Variants in MECOM observed in about 807,000 individuals in gnomAD.
MECOM encodes histone-lysine N-methyltransferase MECOM.
In MECOM, 13 loss-of-function variants were observed where a neutral mutation model predicts 116.3. That is an observed-to-expected ratio of 0.11 (90% CI 0.07 to 0.18). The LOEUF is 0.18. Ranked by LOEUF, MECOM falls within the 10% of genes least tolerant of loss-of-function variation. MECOM has a pLI of 1.00. For synonymous variants in MECOM, 528 were observed against 535.2 expected (o/e 0.99, Z 0.19); for missense variants, 1,299 against 1,509.0 (o/e 0.86, Z 2.31).
At chr3:169,386,914 C>G (rs1487301832) in intron 1 of MECOM, among the ~76,000 whole-genome samples, 5 of 152,120 alleles carry the variant, frequency 3.3e-5, no homozygotes, top group African/African-American at 4.8e-5. Context: ...ATTACAGAAA[C>G]TAAATATTCT....
At chr3:169,654,163 A>C (rs1775248910) in intron 1 of MECOM, among the ~76,000 whole-genome samples, 1 of 152,186 alleles carries the variant, frequency 6.6e-6, no homozygotes, top group African/African-American at 2.4e-5. Context: ...AGATATTATA[A>C]AGTGCTCAGT....
At position 169,165,011 on chromosome 3, in the gene MECOM, A is replaced by G. The variant is rs932875369; in HGVS notation, c.376-21179T>C. Among the ~76,000 whole-genome samples, 7 of 152,308 alleles carry G rather than the reference A, an allele frequency of 4.6e-5. No individual in the cohort carries two copies. The South Asian group carries it at 6.2e-4, about 14-fold the overall frequency. On this transcript the variant is annotated intron_variant, in intron 2 of 16. Transcript: ENST00000651503. ...AAAAGTTTTGTCTACATAGTAGTCA[A>G]CATAGGTTTTCACAGGAAATAAATT...
chr3:169,532,171 A>G (rs1422537121), intron 1 of MECOM, among the ~76,000 whole-genome samples: 1 of 152,198 alleles, frequency 6.6e-6, no homozygotes. Flanking sequence ...GCTCGTTAAA[A>G]CAGTTTGGTG....
At chr3:169,582,884 A>G (rs964770195) in intron 1 of MECOM, among the ~76,000 whole-genome samples, 4 of 152,254 alleles carry the variant, frequency 2.6e-5, no homozygotes. Context: ...GTTTCAGCAC[A>G]TCTATTTGGA....
chr3:169,296,171 T>C (rs1472738631), intron 2 of MECOM, among the ~76,000 whole-genome samples: 1 of 152,206 alleles, frequency 6.6e-6, no homozygotes, highest in African/African-American at 2.4e-5. Context: ...CAGTCTGTAG[T>C]GGCCCTTGCT....
chr3:169,542,268 T>C (rs188306458), intron 1 of MECOM, among the ~76,000 whole-genome samples: 39 of 152,326 alleles, frequency 2.6e-4, no homozygotes, highest in African/African-American at 7.7e-4. Flanking sequence ...TTGTTCTACT[T>C]TTCCAAAAGC....
At chr3:169,436,666 T>G (rs1322101882) in intron 1 of MECOM, among the ~76,000 whole-genome samples, 1 of 152,190 alleles carries the variant, frequency 6.6e-6, no homozygotes, top group Non-Finnish European at 1.5e-5. Flanking sequence ...AAAAAATCCT[T>G]TTTTTCAATC....
intron 1 of MECOM, among the ~76,000 whole-genome samples, chr3:169,462,466 G>A (rs1479147920): frequency 1.3e-5 from 2 of 152,140 alleles, no homozygotes; most frequent in Non-Finnish European, 2.9e-5. Flanking sequence ...GGAGTGAGAA[G>A]TTTTGCTTTT....
intron 1 of MECOM, among the ~76,000 whole-genome samples, chr3:169,660,230 C>G (rs928451066): frequency 3.9e-5 from 6 of 152,038 alleles, no homozygotes; most frequent in Admixed American, 3.3e-4. Context: ...GTCGGTTTGG[C>G]TTTTGGTTTT....
chr3:169,644,046 C>A (rs1773830379), intron 1 of MECOM, among the ~76,000 whole-genome samples: 1 of 152,180 alleles, frequency 6.6e-6, no homozygotes, highest in African/African-American at 2.4e-5. Flanking sequence ...CAAGCCTCAA[C>A]TGTAGAATAG....
chr3:169,378,457 GCAA>G (rs1731583775), intron 2 of MECOM, among the ~76,000 whole-genome samples: 4 of 60,842 alleles, frequency 6.6e-5, no homozygotes, highest in South Asian at 4.7e-4. Flanking sequence ...AAGAAGGAAA[GCAA>G]GCAAGCAAGC....
At chr3:169,165,100 C>T (rs1045853626) in intron 2 of MECOM, among the ~76,000 whole-genome samples, 2 of 152,128 alleles carry the variant, frequency 1.3e-5, no homozygotes, top group African/African-American at 2.4e-5. Context: ...CTTTTGAAAA[C>T]GCTTAGTGAA....
chr3:169,488,372 C>CAAAA (rs758493062), intron 1 of MECOM, among the ~76,000 whole-genome samples: 20 of 62,398 alleles, frequency 3.2e-4, no homozygotes, highest in African/African-American at 6.6e-4. Context: ...ACTAAAAATA[C>CAAAA]AAAAAAAAAA....
intron 2 of MECOM, among the ~76,000 whole-genome samples, chr3:169,265,875 A>G (rs1174680105): frequency 1.3e-5 from 2 of 152,182 alleles, no homozygotes; most frequent in African/African-American, 4.8e-5. Context: ...AGGAGGTACG[A>G]GGCAGCAGTA....
chr3:169,400,701 C>T (rs1224091236), intron 1 of MECOM, among the ~76,000 whole-genome samples: 1 of 152,070 alleles, frequency 6.6e-6, no homozygotes, highest in Non-Finnish European at 1.5e-5. Context: ...AAATATGGAG[C>T]CCTTTTGATT....
At chr3:169,218,806 T>C (rs1383413090) in intron 2 of MECOM, among the ~76,000 whole-genome samples, 1 of 152,216 alleles carries the variant, frequency 6.6e-6, no homozygotes, top group African/African-American at 2.4e-5. Flanking sequence ...TCTCTTTACT[T>C]ACTCTTACAG....
chr3:169,149,693 G>A (rs562394850), intron 2 of MECOM: 3 of 477,820 alleles, frequency 6.3e-6, no homozygotes, highest in South Asian at 4.6e-5. Flanking sequence ...CTACGTCTGA[G>A]CTTCTCTTCC....
At chr3:169,574,838 A>T (rs933980280) in intron 1 of MECOM, among the ~76,000 whole-genome samples, 1 of 152,118 alleles carries the variant, frequency 6.6e-6, no homozygotes, top group Admixed American at 6.5e-5. Context: ...AAAAAAAAAA[A>T]AACTTTTCAA....
chr3:169,363,849 T>C (rs1728731704), intron 2 of MECOM, among the ~76,000 whole-genome samples: 1 of 151,948 alleles, frequency 6.6e-6, no homozygotes, highest in Non-Finnish European at 1.5e-5. Context: ...TGGTGCTAAG[T>C]GATTGATCTA....
Sources: gnomAD v4.1 joint callset for allele counts (sites outside exome capture counted in the v4.1 genomes callset) on GRCh38, gnomAD v4.1.1 for gene constraint, MANE v1.5 for transcripts, NCBI Gene and HGNC (gene_info 2026-07-23, HGNC 2026-07-21) for gene names.